Variants in TESPA1 observed in about 807,000 individuals in gnomAD.
The protein encoded by TESPA1 is protein TESPA1.
A neutral mutation model predicts 57.9 loss-of-function variants in TESPA1; 33 were observed. The observed-to-expected ratio is 0.57, with a 90% CI of 0.43 to 0.76. The LOEUF is 0.76. TESPA1 is among the 30% of genes least tolerant of loss of function. The pLI is 0.00. For synonymous variants in TESPA1, 227 were observed against 228.9 expected, an observed-to-expected ratio of 0.99 and a Z score of 0.07; for missense variants, 618 against 632.9, an observed-to-expected ratio of 0.98 and a Z score of 0.25.
chr12:54,976,581 G>A (rs1001475692), intron 1 of TESPA1, among the ~76,000 whole-genome samples: 12 of 152,060 alleles, frequency 7.9e-5, no homozygotes, highest in Admixed American at 6.5e-4. Flanking sequence ...AGGAATATCT[G>A]GATTTCATAC....
Position 54,973,589 on chromosome 12 carries a change from C to T in TESPA1, c.164-70G>A, listed in dbSNP as rs117022233. ...CAGACCTCCTCCCTGCAACTAATTC[C>T]ATTCCACAAGTTTATTCTTACATAA... On this transcript the variant is annotated intron_variant, in intron 2 of 10. Coordinates refer to ENST00000449076, the MANE Select transcript of TESPA1 (RefSeq NM_001136030.3). 4,435 of 1,611,906 alleles carry T rather than the reference C, an allele frequency of 2.8e-3. 11 individuals carry two copies. The highest frequency in any genetic ancestry group is 4.6e-3 in the Admixed American group (275 of 59,882).
chr12:54,974,496 T>TA lies in TESPA1; in HGVS notation c.66dup (p.Asn23Ter). The TA allele has an allele frequency of 6.2e-7, 1 of 1,603,218 alleles. No homozygotes were observed. Among genetic ancestry groups the TA allele is most frequent in the Non-Finnish European group, 8.5e-7 (1 of 1,174,878 alleles). ...TCTTCTAGGACCTGGGTCTGCCAGT[T>TA]ACGGCTCTGACGGAGCCAGGCCCGC... is the stretch of plus-strand genomic sequence containing the variant. On this transcript the variant is annotated frameshift_variant, in exon 2 of 11. Coordinates refer to ENST00000449076, the MANE Select transcript of TESPA1 (RefSeq NM_001136030.3). LOFTEE classifies it high-confidence loss of function.
intron 10 of TESPA1, among the ~76,000 whole-genome samples, chr12:54,959,601 C>G (rs1024692162): frequency 6.6e-6 from 1 of 152,198 alleles, no homozygotes; most frequent in East Asian, 1.9e-4. Flanking sequence ...GGTTCTCTAC[C>G]GTGGTTCTGA....
In TESPA1 at chr12:54,963,136, C is replaced by T. The variant is rs755383719; in HGVS notation, c.762G>A (p.Met254Ile). Residue 254 changes from methionine to isoleucine, a missense_variant, in exon 9 of 11, where the codon ATG (methionine) becomes ATA (isoleucine). Met to Ile is a conservative substitution (Grantham distance 10). Around this residue, in one of 3 missense-constraint regions of TESPA1, gnomAD observed 409 missense variants for 420.1 expected, o/e 0.97. Coordinates refer to ENST00000449076, the MANE Select transcript of TESPA1 (RefSeq NM_001136030.3). ...CAGTTGGATGGTTGCAATTCCAGAACATGTGGGATGGTGTGAACTTTTGGA... is the reference window on the plus strand; with the variant it reads ...CAGTTGGATGGTTGCAATTCCAGAATATGTGGGATGGTGTGAACTTTTGGA... ...TPVQKFTPSH[M>I]FWNCNHPTDV... The T allele has an allele frequency of 1.9e-6, 3 of 1,613,876 alleles. No individual in the cohort carries two copies. In the Admixed American group the frequency reaches 5.0e-5, roughly 27 times the overall value.
At position 54,949,536 on chromosome 12, in the gene TESPA1, G is replaced by A. The variant is rs1950259426; in HGVS notation, c.*856C>T. 1 of 152,194 alleles carries A rather than the reference G, an allele frequency of 6.6e-6. No individual in the cohort carries two copies. The allele number at this position is 152,194 out of a possible 1,614,324, so 9.4% of individuals were successfully genotyped here. A position where few individuals can be genotyped will look rare whatever the true frequency, so the allele number is the denominator to read the frequency against. On this transcript the variant is annotated 3_prime_UTR_variant, in exon 11 of 11. Transcript: ENST00000449076. Reference sequence around the variant, plus strand: ...TGCTCTGAAACCACATACTGCCTAAGAGAGCACTGCATGTGCTCAAGCCCT... The same window carrying A: ...TGCTCTGAAACCACATACTGCCTAAAAGAGCACTGCATGTGCTCAAGCCCT...
chr12:54,982,582 A>G (rs1042706690), intron 1 of TESPA1, among the ~76,000 whole-genome samples: 1 of 152,246 alleles, frequency 6.6e-6, no homozygotes, highest in Non-Finnish European at 1.5e-5. Flanking sequence ...GGATTTGGAA[A>G]AAAAATTAAT....
intron 6 of TESPA1, 55 bp from the exon 7 acceptor site, chr12:54,966,206 C>T (rs1951419838): frequency 4.5e-6 from 7 of 1,564,440 alleles, no homozygotes; most frequent in Non-Finnish European, 4.3e-6. Context: ...TGCACCCTGG[C>T]TTCGAGGAAT....
At chr12:54,984,967 T>C (rs1221787026), upstream of TESPA1, among the ~76,000 whole-genome samples, 1 of 152,194 alleles carries the variant, frequency 6.6e-6, no homozygotes, top group East Asian at 1.9e-4. Context: ...AAGGCAAAGG[T>C]ACAGTCCATT....
At position 54,966,096 on chromosome 12, in the gene TESPA1, C is replaced by A. The variant is rs1279331623; in HGVS notation, c.403G>T (p.Ala135Ser). Residue 135 changes from alanine (A) to serine (S), a missense_variant, in exon 7 of 11, where the codon GCT (alanine) becomes TCT (serine). By Grantham distance (99) the Ala-to-Ser change is moderately conservative. This residue lies in a region of TESPA1 where 199 missense variants were observed against 184.0 expected (regional missense o/e 1.08). Coordinates refer to ENST00000449076, the MANE Select transcript of TESPA1 (RefSeq NM_001136030.3). ...CQLLDLGCSL[A>S]SSSMTGGTNK... ...GTCCCCCCAGTCATGCTGCTGGAAG[C>A]CAAACTACAGCCAAGATCAAGTAGC... 6.3e-7 allele frequency: 1 copy of A among 1,578,992 alleles called. No individual in the cohort carries two copies. Among genetic ancestry groups the A allele is most frequent in the African/African-American group, 1.3e-5 (1 of 74,132 alleles).
chr12:54,966,510 C>A, intron 5 of TESPA1, 86 bp from the exon 6 acceptor site: 1 of 1,489,782 alleles, frequency 6.7e-7, no homozygotes, highest in Non-Finnish European at 9.1e-7. Context: ...AAAACTCAGT[C>A]CCCTCTGTTT....
chr12:54,950,466 C>T (rs527837139), intron 10 of TESPA1, 76 bp from the exon 11 acceptor site: 13 of 381,082 alleles, frequency 3.4e-5, no homozygotes, highest in African/African-American at 2.7e-4. Flanking sequence ...TAGGAACTTT[C>T]ATACCTCAGC....
chr12:54,975,920 T>C (rs545594389), intron 1 of TESPA1, among the ~76,000 whole-genome samples: 4 of 152,312 alleles, frequency 2.6e-5, no homozygotes, highest in Admixed American at 6.5e-5. Context: ...ACATAATTAC[T>C]GTTGTCTGAT....
chr12:54,948,268 C>T lies in TESPA1; in HGVS notation c.*2124G>A, dbSNP rs559331536. ...TGTTAAGGCAGCAACAGGCCATTTT[C>T]ACTTCTTTTGTGATTCTCCACTTGC... On this transcript the variant is annotated 3_prime_UTR_variant, in exon 11 of 11. Coordinates refer to ENST00000449076, the MANE Select transcript of TESPA1 (RefSeq NM_001136030.3). 153 of 167,922 alleles carry T rather than the reference C, an allele frequency of 9.1e-4. No homozygotes were observed. Among genetic ancestry groups the T allele is most frequent in the South Asian group, 4.0e-3 (20 of 5,046 alleles). 10.4% of individuals were successfully genotyped at this position (167,922 alleles called of 1,614,324 possible). A position where few individuals can be genotyped will look rare whatever the true frequency, so the allele number is the denominator to read the frequency against.
chr12:54,966,188 T>C, intron 6 of TESPA1, 37 bp from the exon 7 acceptor site: 1 of 1,563,770 alleles, frequency 6.4e-7, no homozygotes, highest in South Asian at 1.2e-5. Flanking sequence ...CAAATCTTGT[T>C]TCCAGTCTGC....
chr12:54,972,189 G>T (rs11171202), intron 3 of TESPA1, among the ~76,000 whole-genome samples: 3,634 of 152,214 alleles, frequency 0.024, 106 homozygotes, highest in African/African-American at 0.069. Context: ...TTGGTTCAGG[G>T]TTTATCTTTG....
chr12:54,959,305 G>A (rs1446467139), intron 10 of TESPA1, among the ~76,000 whole-genome samples: 1 of 152,172 alleles, frequency 6.6e-6, no homozygotes, highest in African/African-American at 2.4e-5. Flanking sequence ...GTTAGTCTCT[G>A]ATAAAACCTC....
chr12:54,972,151 T>C (rs1951869541), intron 3 of TESPA1, among the ~76,000 whole-genome samples: 1 of 152,248 alleles, frequency 6.6e-6, no homozygotes, highest in Admixed American at 6.5e-5. Context: ...GACTTTTCAC[T>C]AACCAGACCA....
chr12:54,963,680 G>A (rs1197967145), intron 8 of TESPA1, 62 bp downstream of exon 8: 3 of 1,530,574 alleles, frequency 2.0e-6, no homozygotes, highest in African/African-American at 1.4e-5. Context: ...AAGCCACTGA[G>A]CCCTGCTGTG....
At position 54,979,882 on chromosome 12, in the gene TESPA1, C is replaced by A. The variant is rs545968323; in HGVS notation, c.-46+4703G>T. On this transcript the variant is annotated intron_variant, in intron 1 of 10. Transcript: ENST00000449076. ...CACGGGCAAGTCAAAGGTAGGTAGT[C>A]ATAATAACTGAAATGTATAGAGTAC... Among the ~76,000 whole-genome samples the A allele has an allele frequency of 2.5e-3, 377 of 152,252 alleles. 1 individual carries two copies. Among genetic ancestry groups the A allele is most frequent in the Admixed American group, 5.9e-3 (90 of 15,290 alleles).
Sources: allele counts gnomAD v4.1 joint callset (sites outside exome capture counted in the v4.1 genomes callset), GRCh38; gene constraint gnomAD v4.1.1; regional missense constraint gnomAD v4.1.1; transcripts MANE v1.5; gene names NCBI Gene and HGNC (gene_info 2026-07-23, HGNC 2026-07-21).